ATP9B: variants seen among roughly 807,000 people sequenced by gnomAD.
ATP9B encodes the protein ATPase phospholipid transporting 9B.
In ATP9B, 110 loss-of-function variants were observed where a neutral mutation model predicts 146.1. The ratio of observed to expected loss-of-function variants is 0.75; its 90% CI spans 0.65 to 0.88. The LOEUF (loss-of-function observed/expected upper bound fraction) is 0.88. Among genes scored for constraint, ATP9B ranks in the 40% least tolerant of loss-of-function variants. ATP9B has a pLI of 0.00. For synonymous variants in ATP9B, 604 were observed against 569.7 expected, an observed-to-expected ratio of 1.06 and a Z score of -0.86; for missense variants, 1,499 against 1,496.4, an observed-to-expected ratio of 1.00 and a Z score of -0.03.
Position 79,204,459 on chromosome 18 carries a change from T to C in ATP9B, c.955-2478T>C, listed in dbSNP as rs73971518. Among the ~76,000 whole-genome samples the C allele has an allele frequency of 7.6e-3, 1,158 of 152,342 alleles. 14 individuals are homozygous for C. The highest frequency in any genetic ancestry group is 0.018 in the African/African-American group (749 of 41,568). ...ACTCTTCCTTTTAAGTTCTTTTCCC[T>C]TGTAAACATGCAAATTTATATTGGG... On this transcript the variant is annotated intron_variant, in intron 9 of 29. Transcript: ENST00000426216.
intron 1 of ATP9B, among the ~76,000 whole-genome samples, chr18:79,080,264 C>G (rs1004649527): frequency 2.0e-5 from 3 of 152,144 alleles, no homozygotes; most frequent in Non-Finnish European, 4.4e-5. Flanking sequence ...TTGATTCTTC[C>G]TATCCATGAG....
In ATP9B at chr18:79,337,226, C is replaced by A. The variant is rs111550287; in HGVS notation, c.2113-53C>A. 5.5e-3 allele frequency: 8,708 copies of A among 1,569,078 alleles called. 189 individuals carry two copies. In the African/African-American group the frequency reaches 0.074, roughly 13 times the overall value. ...CCCATGCAGTCCAGCTCTGTGGAGT[C>A]CACACACAGCACGTACACGTGTGCA... On this transcript the variant is annotated intron_variant, in intron 18 of 29. Transcript: ENST00000426216.
intron 1 of ATP9B, among the ~76,000 whole-genome samples, chr18:79,078,483 G>C (rs1373642877): frequency 6.6e-6 from 1 of 152,186 alleles, no homozygotes; most frequent in Non-Finnish European, 1.5e-5. Flanking sequence ...AGAACAGGGA[G>C]TAGCACATCT....
chr18:79,118,343 A>C (rs1294019102), intron 4 of ATP9B, among the ~76,000 whole-genome samples: 1 of 151,382 alleles, frequency 6.6e-6, no homozygotes, highest in Non-Finnish European at 1.5e-5. Flanking sequence ...TAGAACACAG[A>C]GAAAAATACT....
intron 11 of ATP9B, among the ~76,000 whole-genome samples, chr18:79,243,618 T>C (rs1331029080): frequency 1.3e-5 from 2 of 152,238 alleles, no homozygotes; most frequent in Non-Finnish European, 2.9e-5. Context: ...CTGATTCTGA[T>C]ACACCTGTAT....
intron 11 of ATP9B, among the ~76,000 whole-genome samples, chr18:79,247,661 C>T (rs757549210): frequency 1.3e-5 from 2 of 152,102 alleles, no homozygotes; most frequent in Non-Finnish European, 2.9e-5. Context: ...CTTTGAACTC[C>T]CTTGTCTCTT....
At chr18:79,270,444 C>A (rs565407966) in intron 12 of ATP9B, among the ~76,000 whole-genome samples, 2 of 152,018 alleles carry the variant, frequency 1.3e-5, no homozygotes, top group East Asian at 3.9e-4. Flanking sequence ...TGACTTTATC[C>A]AATACATATT....
chr18:79,324,880 A>G (rs533478225), intron 15 of ATP9B, among the ~76,000 whole-genome samples: 39 of 152,350 alleles, frequency 2.6e-4, no homozygotes, highest in African/African-American at 9.4e-4. Flanking sequence ...GTATTTCTAG[A>G]TGATAAATTC....
At chr18:79,290,331 T>G (rs1026341271) in intron 13 of ATP9B, among the ~76,000 whole-genome samples, 1 of 152,044 alleles carries the variant, frequency 6.6e-6, no homozygotes, top group Non-Finnish European at 1.5e-5. Context: ...CGGGCGCCCC[T>G]CCCCCAGCCT....
chr18:79,173,167 T>C (rs1600158208), intron 7 of ATP9B, among the ~76,000 whole-genome samples: 1 of 152,244 alleles, frequency 6.6e-6, no homozygotes, highest in East Asian at 1.9e-4. Flanking sequence ...CTTTTGCCCA[T>C]TTTCTAATTG....
intron 25 of ATP9B, among the ~76,000 whole-genome samples, chr18:79,352,235 T>G (rs2096926272): frequency 6.6e-6 from 1 of 152,164 alleles, no homozygotes; most frequent in African/African-American, 2.4e-5. Context: ...CTCAGATGGA[T>G]AGCCTGTGAG....
At chr18:79,108,048 C>T (rs2075769911) in intron 2 of ATP9B, among the ~76,000 whole-genome samples, 1 of 152,072 alleles carries the variant, frequency 6.6e-6, no homozygotes, top group Non-Finnish European at 1.5e-5. Context: ...TGTGCTGTCA[C>T]CAGATAAAAG....
chr18:79,347,097 G>A (rs1041810185), intron 23 of ATP9B, among the ~76,000 whole-genome samples: 3 of 152,142 alleles, frequency 2.0e-5, no homozygotes, highest in Non-Finnish European at 4.4e-5. Flanking sequence ...TGTTTTCCAC[G>A]CACCATTCTC....
intron 27 of ATP9B, among the ~76,000 whole-genome samples, chr18:79,373,274 A>G (rs77106334): frequency 4.6e-5 from 7 of 152,096 alleles, no homozygotes; most frequent in Non-Finnish European, 7.4e-5. Context: ...TGTTGCAAGT[A>G]TAACTAACAG....
intron 13 of ATP9B, among the ~76,000 whole-genome samples, chr18:79,293,388 T>C (rs1165438138): frequency 1.3e-5 from 2 of 152,092 alleles, no homozygotes; most frequent in East Asian, 3.9e-4. Context: ...TCATGAGAGA[T>C]CTGCTCTCAT....
At chr18:79,165,677 C>T (rs1157291580) in intron 7 of ATP9B, among the ~76,000 whole-genome samples, 2 of 152,134 alleles carry the variant, frequency 1.3e-5, no homozygotes. Flanking sequence ...TCCTCTCTAC[C>T]CCAGCTCCAT....
chr18:79,224,138 C>A (rs763700761), intron 11 of ATP9B, among the ~76,000 whole-genome samples: 5 of 152,154 alleles, frequency 3.3e-5, no homozygotes, highest in Admixed American at 6.5e-5. Context: ...TCTCTGTAAT[C>A]AAAATTCCTA....
intron 12 of ATP9B, among the ~76,000 whole-genome samples, chr18:79,271,504 T>C (rs2096254487): frequency 1.3e-5 from 2 of 151,516 alleles, no homozygotes; most frequent in Non-Finnish European, 1.5e-5. Context: ...TTTTTTGTCT[T>C]TGTGATAGTT....
At chr18:79,363,268 A>C (rs2097001154) in intron 26 of ATP9B, 1 of 152,364 alleles carries the variant, frequency 6.6e-6, no homozygotes, top group Non-Finnish European at 1.5e-5. Context: ...ATAATACAAG[A>C]AAGTGAGACA....
Sources: gnomAD v4.1 joint callset for allele counts (sites outside exome capture counted in the v4.1 genomes callset) on GRCh38, gnomAD v4.1.1 for gene constraint, MANE v1.5 for transcripts, NCBI Gene and HGNC (gene_info 2026-07-23, HGNC 2026-07-21) for gene names.